The following RYK variants were observed in gnomAD, a reference collection of about 807,000 sequenced individuals.
RYK encodes the protein inactive tyrosine-protein kinase RYK.
In RYK, 21 loss-of-function variants were observed where a neutral mutation model predicts 70.2. The observed-to-expected ratio is 0.30, with a 90% confidence interval of 0.21 to 0.43. RYK has a LOEUF of 0.43. Among genes scored for constraint, RYK ranks in the 20% least tolerant of loss-of-function variants. The probability of loss-of-function intolerance (pLI) is 1.00; values close to 1 mark genes in which losing one functional copy is unlikely to be tolerated. For synonymous variants in RYK, 267 were observed against 278.0 expected, an observed-to-expected ratio of 0.96 and a Z score of 0.39; for missense variants, 604 against 753.3, an observed-to-expected ratio of 0.80 and a Z score of 2.32.
intron 5 of RYK, among the ~76,000 whole-genome samples, chr3:134,204,330 C>T (rs2107675901): frequency 6.6e-6 from 1 of 151,190 alleles, no homozygotes; most frequent in African/African-American, 2.4e-5. Context: ...CCCATCTCTA[C>T]TGAAAAAAAA....
Position 134,158,197 on chromosome 3 carries a change from G to A in RYK, c.1780C>T (p.Gln594Ter). 6.3e-7 allele frequency: 1 copy of A among 1,576,576 alleles called. No homozygotes were observed. The highest frequency in any genetic ancestry group is 2.3e-5 in the East Asian group (1 of 43,224). The change falls in exon 15 of 15, where the codon CAG becomes TAG. Residue 594 changes from glutamine (Q) to a stop codon, truncating the protein, a stop_gained. Transcript: ENST00000623711. LOFTEE classifies it high-confidence loss of function. ...EERPKFQQLV[Q>*]CLTEFHAALG... Reference sequence around the variant, plus strand: ...GCTGCATGAAACTCTGTTAGGCACTGTACCAGCTGCTGAAACTTGGGCCTC... The same window carrying A: ...GCTGCATGAAACTCTGTTAGGCACTATACCAGCTGCTGAAACTTGGGCCTC...
intron 1 of RYK, among the ~76,000 whole-genome samples, chr3:134,235,207 T>C (rs1254592505): frequency 6.6e-6 from 1 of 151,884 alleles, no homozygotes; most frequent in Non-Finnish European, 1.5e-5. Flanking sequence ...TTCTTAACCA[T>C]CACAAATGGT....
At chr3:134,215,011 C>G (rs1318614951) in intron 2 of RYK, among the ~76,000 whole-genome samples, 2 of 152,214 alleles carry the variant, frequency 1.3e-5, no homozygotes, top group Non-Finnish European at 2.9e-5. Context: ...CAATCCCTCT[C>G]AAGTGTCCAA....
Position 134,182,058 on chromosome 3 carries a change from G to A in RYK, c.1172+944C>T, listed in dbSNP as rs536388197. ...TAGTCCCAGCTACTCAGGAGGCTGA[G>A]GTAGGAGAATGGCGTGAACCAGGGA... On this transcript the variant is annotated intron_variant, in intron 10 of 14. Transcript: ENST00000623711. Among the ~76,000 whole-genome samples, 67 of 152,090 alleles carry A rather than the reference G, an allele frequency of 4.4e-4. 1 individual carries two copies. Among genetic ancestry groups the A allele is most frequent in the African/African-American group, 1.6e-3 (65 of 41,494 alleles).
chr3:134,202,845 A>G lies in RYK; in HGVS notation c.673T>C (p.Ser225Pro), dbSNP rs2014069275. 6.2e-7 allele frequency: 1 copy of G among 1,613,672 alleles called. No individual in the cohort carries two copies. ...YDPVHAAPTT[S>P]TRVFYISVGV... ...ACACTAATATAAAACACACGCGTAG[A>G]AGTGGTTGGAGCTGCATGTACAGGA... is the stretch of plus-strand genomic sequence containing the variant. Residue 225 changes from serine (S) to proline (P), a missense_variant, in exon 6 of 15, where the codon TCT becomes CCT. Physicochemically the swap from Ser to Pro is moderately conservative, Grantham distance 74. Coordinates refer to ENST00000623711, the MANE Select transcript of RYK (RefSeq NM_002958.4).
intron 8 of RYK, among the ~76,000 whole-genome samples, chr3:134,190,512 C>T (rs748157813): frequency 3.3e-5 from 5 of 150,142 alleles, no homozygotes; most frequent in Admixed American, 6.7e-5. Flanking sequence ...CCTCCATACC[C>T]GTCAACCTAG....
rs763554822 is a variant in RYK, at chr3:134,195,146, C to T, written c.825G>A (p.Gln275=). The part of the protein sequence containing the change: ...SASSSSQGLS[Q]PSTQTTQYLR... ...GATACTGAGTCGTCTGGGTGGATGG[C>T]TGAGACAGCCCTTGGGAACTACTGC... is the stretch of plus-strand genomic sequence containing the variant. The change falls in exon 7 of 15, where the codon CAG becomes CAA. Residue 275 remains glutamine, a synonymous_variant. Transcript: ENST00000623711. 5.1e-5 allele frequency: 82 copies of T among 1,613,140 alleles called. No homozygotes were observed. The highest frequency in any genetic ancestry group is 9.3e-6 in the Non-Finnish European group (11 of 1,179,528).
In RYK at chr3:134,211,492, G is replaced by T; in HGVS notation, c.454+16C>A. 3.2e-6 allele frequency: 5 copies of T among 1,577,964 alleles called. No individual in the cohort carries two copies. Among genetic ancestry groups the T allele is most frequent in the Non-Finnish European group, 4.3e-6 (5 of 1,152,112 alleles). ...GAAAAAGTATGTTAACTCTGTCTTTGAAGACTCTTACTTACCTGATAAAGT... is the reference window on the plus strand; with the variant it reads ...GAAAAAGTATGTTAACTCTGTCTTTTAAGACTCTTACTTACCTGATAAAGT... On this transcript the variant is annotated intron_variant, in intron 3 of 14. Coordinates refer to ENST00000623711, the MANE Select transcript of RYK (RefSeq NM_002958.4).
chr3:134,219,085 T>C (rs1256210462), intron 2 of RYK, among the ~76,000 whole-genome samples: 1 of 152,136 alleles, frequency 6.6e-6, no homozygotes, highest in Non-Finnish European at 1.5e-5. Context: ...AAGAGGTAAC[T>C]TAGAAATTAT....
At chr3:134,236,133 A>G (rs2015196065) in intron 1 of RYK, among the ~76,000 whole-genome samples, 1 of 152,254 alleles carries the variant, frequency 6.6e-6, no homozygotes, top group South Asian at 2.1e-4. Context: ...TCAGGGAAAT[A>G]AAGTCACTGA....
chr3:134,184,754 G>C (rs1212973067), intron 9 of RYK, among the ~76,000 whole-genome samples: 1 of 151,922 alleles, frequency 6.6e-6, no homozygotes, highest in Non-Finnish European at 1.5e-5. Flanking sequence ...AACAGAGCAA[G>C]ACCCTGTCTC....
rs141202668 is a variant in RYK at position 134,242,166 on chromosome 3, A to G, written c.232+8257T>C. On this transcript the variant is annotated intron_variant, in intron 1 of 14. Coordinates refer to ENST00000623711, the MANE Select transcript of RYK (RefSeq NM_002958.4). ...CCAAAAATACAAAAATTAGCTGGGAATGGTGGTGGACGCCTGTGATCCCAG... is the reference window on the plus strand; with the variant it reads ...CCAAAAATACAAAAATTAGCTGGGAGTGGTGGTGGACGCCTGTGATCCCAG... Among the ~76,000 whole-genome samples, 938 of 152,208 alleles carry G rather than the reference A, an allele frequency of 6.2e-3. 9 individuals are homozygous for G. The highest frequency in any genetic ancestry group is 0.021 in the African/African-American group (863 of 41,526).
At chr3:134,206,003 T>C (rs1031402677) in intron 5 of RYK, among the ~76,000 whole-genome samples, 1 of 152,202 alleles carries the variant, frequency 6.6e-6, no homozygotes, top group African/African-American at 2.4e-5. Context: ...TATGCAGTAC[T>C]GCTCTTTGTG....
At chr3:134,219,358 A>G (rs1246605405) in intron 2 of RYK, among the ~76,000 whole-genome samples, 1 of 152,190 alleles carries the variant, frequency 6.6e-6, no homozygotes, top group Non-Finnish European at 1.5e-5. Flanking sequence ...GGAATCAGTA[A>G]AAGAAGGTTT....
At chr3:134,243,910 G>T (rs952038683) in intron 1 of RYK, among the ~76,000 whole-genome samples, 1 of 152,126 alleles carries the variant, frequency 6.6e-6, no homozygotes, top group Admixed American at 6.5e-5. Context: ...GATCTTCAGG[G>T]AAAGGAGTGT....
chr3:134,248,009 T>C (rs555202543), intron 1 of RYK, among the ~76,000 whole-genome samples: 1 of 152,178 alleles, frequency 6.6e-6, no homozygotes, highest in South Asian at 2.1e-4. Flanking sequence ...ATTCTGAGAA[T>C]TCGGAGTGCC....
chr3:134,250,167 G>T (rs541389081), intron 1 of RYK, among the ~76,000 whole-genome samples: 1 of 152,096 alleles, frequency 6.6e-6, no homozygotes, highest in Non-Finnish European at 1.5e-5. Context: ...GAGGAGGATG[G>T]GATGGGGTGA....
At chr3:134,207,146 T>G (rs1229475468) in intron 5 of RYK, among the ~76,000 whole-genome samples, 1 of 152,190 alleles carries the variant, frequency 6.6e-6, no homozygotes, top group Non-Finnish European at 1.5e-5. Flanking sequence ...GCAAGCCAGA[T>G]TTTCTAACCC....
Position 134,238,467 on chromosome 3 carries a change from C to T in RYK, c.232+11956G>A, listed in dbSNP as rs76928234. 3.8e-3 allele frequency among the ~76,000 whole-genome samples: 574 copies of T among 152,294 alleles called. 1 individual carries two copies. Among genetic ancestry groups the T allele is most frequent in the Non-Finnish European group, 6.0e-3 (406 of 68,024 alleles). ...CATAAATATACCCCTTCTTCCCCTCCGTCCTTCAGACTGCCTTCTTTCTGC... is the reference window on the plus strand; with the variant it reads ...CATAAATATACCCCTTCTTCCCCTCTGTCCTTCAGACTGCCTTCTTTCTGC... On this transcript the variant is annotated intron_variant, in intron 1 of 14. Coordinates refer to ENST00000623711, the MANE Select transcript of RYK (RefSeq NM_002958.4).
Sources: allele counts gnomAD v4.1 joint callset (sites outside exome capture counted in the v4.1 genomes callset), GRCh38; gene constraint gnomAD v4.1.1; transcripts MANE v1.5; gene names NCBI Gene and HGNC (gene_info 2026-07-23, HGNC 2026-07-21).